Variants in STAC observed in about 807,000 individuals in gnomAD.
The protein encoded by STAC is SH3 and cysteine-rich domain-containing protein.
Under a neutral mutation model 48.8 loss-of-function variants are expected in STAC, and 43 were observed. The observed-to-expected ratio is 0.88, with a 90% CI of 0.69 to 1.14. The LOEUF (loss-of-function observed/expected upper bound fraction) is 1.14, where lower values mean the gene tolerates loss of function less well. Among genes scored for constraint, STAC ranks in the 50% most tolerant of loss-of-function variants. The probability of loss-of-function intolerance (pLI) is 0.00; values close to 1 mark genes in which losing one functional copy is unlikely to be tolerated. For missense variants in STAC, 497 were observed against 504.0 expected, an observed-to-expected ratio of 0.99 and a Z score of 0.13; for synonymous variants, 193 against 179.5, an observed-to-expected ratio of 1.07 and a Z score of -0.60.
At chr3:36,461,087 C>CT (rs971154902) in intron 2 of STAC, among the ~76,000 whole-genome samples, 1 of 152,086 alleles carries the variant, frequency 6.6e-6, no homozygotes, top group African/African-American at 2.4e-5. Context: ...CCCTGCTAGA[C>CT]TTTTTTACAT....
chr3:36,410,722 A>T (rs1471973408), intron 1 of STAC, among the ~76,000 whole-genome samples: 2 of 152,236 alleles, frequency 1.3e-5, no homozygotes, highest in Non-Finnish European at 2.9e-5. Context: ...TTGGTAACAT[A>T]TTGATGTATT....
chr3:36,421,074 T>C (rs1700438019), intron 1 of STAC, among the ~76,000 whole-genome samples: 1 of 152,214 alleles, frequency 6.6e-6, no homozygotes, highest in South Asian at 2.1e-4. Context: ...TCTTTGTAGT[T>C]TACCCATTTT....
At chr3:36,464,052 T>G (rs1403382609) in intron 2 of STAC, among the ~76,000 whole-genome samples, 1 of 152,146 alleles carries the variant, frequency 6.6e-6, no homozygotes, top group African/African-American at 2.4e-5. Context: ...GATTGCTGGG[T>G]CAAATGGTAT....
rs143812079 is a variant in STAC at position 36,423,864 on chromosome 3, C to T, written c.112-19500C>T. Among the ~76,000 whole-genome samples, 137 of 152,222 alleles carry T rather than the reference C, an allele frequency of 9.0e-4. 1 individual carries two copies. Among genetic ancestry groups the T allele is most frequent in the African/African-American group, 3.1e-3 (127 of 41,560 alleles). On this transcript the variant is annotated intron_variant, in intron 1 of 10. Coordinates refer to ENST00000273183, the MANE Select transcript of STAC (RefSeq NM_003149.3). ...CCTGTCTTAGGCTTTGAACTTGAAGCTCCCTTCCTCCTCATCTTTCTTCTT... is the reference window on the plus strand; with the variant it reads ...CCTGTCTTAGGCTTTGAACTTGAAGTTCCCTTCCTCCTCATCTTTCTTCTT...
chr3:36,521,994 A>G (rs977219687), intron 8 of STAC, among the ~76,000 whole-genome samples: 3 of 152,162 alleles, frequency 2.0e-5, no homozygotes, highest in Admixed American at 2.0e-4. Context: ...GAGGCTGAGC[A>G]GGAGGATTGC....
intron 10 of STAC, among the ~76,000 whole-genome samples, chr3:36,531,073 A>G (rs951302285): frequency 6.6e-6 from 1 of 152,190 alleles, no homozygotes; most frequent in Non-Finnish European, 1.5e-5. Flanking sequence ...TATTTTCCCT[A>G]TATATTTTAA....
At chr3:36,424,919 T>C (rs1367015203) in intron 1 of STAC, among the ~76,000 whole-genome samples, 1 of 152,062 alleles carries the variant, frequency 6.6e-6, no homozygotes, top group African/African-American at 2.4e-5. Flanking sequence ...AATTATGCAA[T>C]AGGATTCTAA....
intron 1 of STAC, among the ~76,000 whole-genome samples, chr3:36,387,030 A>G (rs1403195586): frequency 6.6e-6 from 1 of 152,076 alleles, no homozygotes; most frequent in East Asian, 1.9e-4. Context: ...GACATCATTG[A>G]GAGGAACCAA....
intron 5 of STAC, among the ~76,000 whole-genome samples, chr3:36,488,803 A>G (rs759970821): frequency 1.1e-4 from 17 of 152,100 alleles, no homozygotes; most frequent in Non-Finnish European, 2.1e-4. Context: ...TTTTCAGCCT[A>G]CCCTTGACAG....
chr3:36,393,655 CAA>C (rs1304169363), intron 1 of STAC, among the ~76,000 whole-genome samples: 1 of 149,884 alleles, frequency 6.7e-6, no homozygotes, highest in Non-Finnish European at 1.5e-5. Flanking sequence ...TAAAAACAGA[CAA>C]GAGAGAGCTT....
chr3:36,498,625 T>C (rs1698208903), intron 6 of STAC, among the ~76,000 whole-genome samples: 1 of 152,062 alleles, frequency 6.6e-6, no homozygotes, highest in Non-Finnish European at 1.5e-5. Context: ...TGGTGGTGCC[T>C]GTCTGTAATC....
intron 8 of STAC, among the ~76,000 whole-genome samples, chr3:36,506,719 GCTCT>G (rs1399797471): frequency 1.3e-5 from 2 of 151,860 alleles, no homozygotes; most frequent in African/African-American, 2.4e-5. Context: ...TCATGATTTG[GCTCT>G]CTGTTTATTA....
At chr3:36,455,607 G>T (rs1207750359) in intron 2 of STAC, among the ~76,000 whole-genome samples, 1 of 152,210 alleles carries the variant, frequency 6.6e-6, no homozygotes, top group Non-Finnish European at 1.5e-5. Flanking sequence ...TCATTCAGCT[G>T]CCATAACAGG....
At chr3:36,493,063 T>A in intron 5 of STAC, 88 bp from the exon 6 acceptor site, 1 of 1,287,390 alleles carries the variant, frequency 7.8e-7, no homozygotes, top group Admixed American at 1.9e-5. Flanking sequence ...ATGCAAATTC[T>A]ACCTAAGCTC....
At chr3:36,381,861 A>G (rs1336105296) in intron 1 of STAC, among the ~76,000 whole-genome samples, 1 of 152,166 alleles carries the variant, frequency 6.6e-6, no homozygotes, top group East Asian at 1.9e-4. Flanking sequence ...CGAAAGCTTT[A>G]CATCTTATTT....
chr3:36,489,266 C>T (rs1697902417), intron 5 of STAC, among the ~76,000 whole-genome samples: 1 of 152,168 alleles, frequency 6.6e-6, no homozygotes, highest in Admixed American at 6.5e-5. Context: ...GTGCCTGGCA[C>T]ATAGTGAATA....
chr3:36,516,014 A>C (rs1029698565), intron 8 of STAC, among the ~76,000 whole-genome samples: 1 of 106,166 alleles, frequency 9.4e-6, no homozygotes, highest in African/African-American at 3.9e-5. Flanking sequence ...ACAGAGTTTC[A>C]CTCATGTTGC....
chr3:36,427,049 C>T (rs1212589570), intron 1 of STAC, among the ~76,000 whole-genome samples: 1 of 152,208 alleles, frequency 6.6e-6, no homozygotes, highest in South Asian at 2.1e-4. Flanking sequence ...AAGGCCTAAC[C>T]CTTGGGTTGA....
chr3:36,420,286 C>A (rs576389898), intron 1 of STAC, among the ~76,000 whole-genome samples: 10 of 152,292 alleles, frequency 6.6e-5, no homozygotes, highest in African/African-American at 2.4e-4. Context: ...GTAACTGATA[C>A]CATTGCTGTA....
Sources: allele counts gnomAD v4.1 joint callset (sites outside exome capture counted in the v4.1 genomes callset), GRCh38; gene constraint gnomAD v4.1.1; transcripts MANE v1.5; gene names NCBI Gene and HGNC (gene_info 2026-07-23, HGNC 2026-07-21).